The following GRK3 variants were observed in gnomAD, a reference collection of about 807,000 sequenced individuals.
GRK3 encodes the protein adrenergic, beta, receptor kinase 2.
A neutral mutation model predicts 95.7 loss-of-function variants in GRK3; 54 were observed. The ratio of observed to expected loss-of-function variants is 0.56; its 90% confidence interval spans 0.45 to 0.71. The LOEUF is 0.71. Among genes scored for constraint, GRK3 ranks in the 30% least tolerant of loss-of-function variants. The probability of loss-of-function intolerance (pLI) is 0.00; values close to 1 mark genes in which losing one functional copy is unlikely to be tolerated. For synonymous variants in GRK3, 281 were observed against 290.8 expected (o/e 0.97, Z 0.34); for missense variants, 649 against 851.2 (o/e 0.76, Z 2.96).
intron 3 of GRK3, among the ~76,000 whole-genome samples, chr22:25,652,018 T>G (rs2084835053): frequency 6.6e-6 from 1 of 152,106 alleles, no homozygotes; most frequent in Non-Finnish European, 1.5e-5. Context: ...ATAATTGAAA[T>G]AAAAAATTCT....
At chr22:25,658,768 G>C (rs535775661) in intron 3 of GRK3, among the ~76,000 whole-genome samples, 3 of 152,240 alleles carry the variant, frequency 2.0e-5, no homozygotes, top group African/African-American at 7.2e-5. Context: ...GGTGGTGGCA[G>C]GGGCGTGGCG....
At chr22:25,635,314 A>G (rs2084692086) in intron 2 of GRK3, among the ~76,000 whole-genome samples, 1 of 152,138 alleles carries the variant, frequency 6.6e-6, no homozygotes, top group South Asian at 2.1e-4. Context: ...CCTCTTGACC[A>G]TTATATGTTT....
intron 15 of GRK3, among the ~76,000 whole-genome samples, chr22:25,709,139 G>A (rs1222658010): frequency 6.6e-6 from 1 of 151,784 alleles, no homozygotes; most frequent in African/African-American, 2.4e-5. Flanking sequence ...CCGGGTTCAC[G>A]CCGTTCTCCT....
intron 10 of GRK3, among the ~76,000 whole-genome samples, chr22:25,686,354 A>G (rs926117911): frequency 7.2e-5 from 11 of 152,196 alleles, no homozygotes; most frequent in Admixed American, 2.0e-4. Flanking sequence ...GACTGCCAAA[A>G]CAGGCAAAAC....
rs192396217 is a variant in GRK3, at chr22:25,586,576, G to T, written c.114-17801G>T. The stretch of plus-strand genomic sequence containing the variant: ...GGAAATGATATAGCAGTGATGTACA[G>T]CAAGCAGTAGGAACAGAGGTGGGAG... On this transcript the variant is annotated intron_variant, in intron 1 of 20. Coordinates refer to ENST00000324198, the MANE Select transcript of GRK3 (RefSeq NM_005160.4). Among the ~76,000 whole-genome samples, 250 of 152,348 alleles carry T rather than the reference G, an allele frequency of 1.6e-3. 1 individual carries two copies. Among genetic ancestry groups the T allele is most frequent in the Middle Eastern group, 3.4e-3 (1 of 294 alleles).
intron 1 of GRK3, among the ~76,000 whole-genome samples, chr22:25,584,466 G>A (rs1932218815): frequency 6.6e-6 from 1 of 152,212 alleles, no homozygotes; most frequent in Admixed American, 6.5e-5. Context: ...GCCCCAAAGT[G>A]TGTGAGTAGC....
intron 3 of GRK3, chr22:25,647,716 T>G: frequency 7.6e-7 from 1 of 1,315,980 alleles, no homozygotes; most frequent in Admixed American, 1.7e-5. Flanking sequence ...GCCTGCAGAT[T>G]CCATTCAGGC....
chr22:25,570,074 C>G (rs76311780), intron 1 of GRK3, among the ~76,000 whole-genome samples: 3 of 152,172 alleles, frequency 2.0e-5, no homozygotes, highest in Non-Finnish European at 2.9e-5. Context: ...GATGAAACTG[C>G]GATACTTTTT....
At position 25,703,704 on chromosome 22, in the gene GRK3, A is replaced by G. The variant is rs2085276169; in HGVS notation, c.1227+128A>G. 1.9e-5 allele frequency: 13 copies of G among 691,114 alleles called. No homozygotes were observed. The Admixed American group carries it at 2.3e-4, about 12-fold the overall frequency. The allele number at this position is 691,114 out of a possible 1,614,324, so 42.8% of individuals were successfully genotyped here. Reference sequence around the variant, plus strand: ...AAAATTATGTATAGACATAATAAAAATTTGCTTTCTTGAAACAAATAAATG... The same window carrying G: ...AAAATTATGTATAGACATAATAAAAGTTTGCTTTCTTGAAACAAATAAATG... On this transcript the variant is annotated intron_variant, in intron 14 of 20. Transcript: ENST00000324198.
At chr22:25,647,531 C>CAA (rs1208818148) in intron 3 of GRK3, 17 of 1,531,524 alleles carry the variant, frequency 1.1e-5, no homozygotes, top group Non-Finnish European at 1.3e-5. Context: ...GCTGGCTTAA[C>CAA]ACGTGGTGTT....
intron 17 of GRK3, 65 bp downstream of exon 17, chr22:25,711,228 A>T: frequency 3.6e-6 from 4 of 1,118,400 alleles, no homozygotes; most frequent in Non-Finnish European, 5.2e-6. Context: ...GTTGGAAATC[A>T]AACTTAGTGG....
At chr22:25,661,821 G>A in intron 4 of GRK3, 144 bp downstream of exon 4, 2 of 498,672 alleles carry the variant, frequency 4.0e-6, no homozygotes, top group East Asian at 2.9e-5. Flanking sequence ...CTTCTGCTTT[G>A]TTGTTTCCTG....
rs1281864586 is a variant in GRK3, at chr22:25,729,282, A to C, written c.*6832A>C. On this transcript the variant is annotated 3_prime_UTR_variant, in exon 21 of 21. Coordinates refer to ENST00000324198, the MANE Select transcript of GRK3 (RefSeq NM_005160.4). ...GCCTATATAAATCTGAATAAAAAGG[A>C]TCTGTACAAAGATATCGACTTCCGT... The C allele has an allele frequency of 6.6e-6, 1 of 152,210 alleles. No homozygotes were observed. Among genetic ancestry groups the C allele is most frequent in the East Asian group, 1.9e-4 (1 of 5,204 alleles). 9.4% of individuals were successfully genotyped at this position (152,210 alleles called of 1,614,324 possible).
At chr22:25,577,131 A>G (rs1296930758) in intron 1 of GRK3, among the ~76,000 whole-genome samples, 1 of 152,022 alleles carries the variant, frequency 6.6e-6, no homozygotes, top group East Asian at 1.9e-4. Flanking sequence ...GTAAATGAGT[A>G]TCCTTGACTT....
chr22:25,662,906 G>A (rs1290630471), intron 4 of GRK3, among the ~76,000 whole-genome samples: 1 of 152,046 alleles, frequency 6.6e-6, no homozygotes, highest in Non-Finnish European at 1.5e-5. Flanking sequence ...TTTTATCAGT[G>A]GGAGCTCCAT....
chr22:25,708,265 G>A (rs1201395342), intron 15 of GRK3, among the ~76,000 whole-genome samples: 5 of 152,054 alleles, frequency 3.3e-5, no homozygotes, highest in Admixed American at 6.5e-5. Flanking sequence ...CGAGAGTCTC[G>A]TGAGGATGGG....
At chr22:25,697,994 G>A (rs1389349836) in intron 13 of GRK3, among the ~76,000 whole-genome samples, 2 of 151,948 alleles carry the variant, frequency 1.3e-5, no homozygotes, top group Non-Finnish European at 2.9e-5. Flanking sequence ...AATGTGATAA[G>A]CATTTACTGC....
At chr22:25,573,999 T>A (rs760511829) in intron 1 of GRK3, among the ~76,000 whole-genome samples, 114 of 152,134 alleles carry the variant, frequency 7.5e-4, no homozygotes, top group Admixed American at 2.6e-3. Flanking sequence ...AAAATCCCAT[T>A]GGCTGGGGAA....
At chr22:25,648,283 G>C (rs1381902541) in intron 3 of GRK3, 6 of 893,702 alleles carry the variant, frequency 6.7e-6, no homozygotes, top group Non-Finnish European at 9.5e-6. Flanking sequence ...ATCACAACCA[G>C]AGAACAACTT....
Sources: allele counts gnomAD v4.1 joint callset (sites outside exome capture counted in the v4.1 genomes callset), GRCh38; gene constraint gnomAD v4.1.1; transcripts MANE v1.5; gene names NCBI Gene and HGNC (gene_info 2026-07-23, HGNC 2026-07-21).